Variants in SPATA1 observed in about 807,000 individuals in gnomAD.
The protein encoded by SPATA1 is spermatogenesis-associated protein 1.
SPATA1 carries 57 observed loss-of-function variants against 59.6 expected under a neutral mutation model. That is an observed-to-expected ratio of 0.96 (90% confidence interval 0.77 to 1.19). SPATA1 has a LOEUF of 1.19. Among genes scored for constraint, SPATA1 ranks in the 50% most tolerant of loss-of-function variants. The probability of loss-of-function intolerance (pLI) is 0.00; values close to 1 mark genes in which losing one functional copy is unlikely to be tolerated. For missense variants in SPATA1, 448 were observed against 480.7 expected (o/e 0.93, Z 0.64); for synonymous variants, 147 against 163.9 (o/e 0.90, Z 0.79).
chr1:84,532,926 C>A, exon 7 of SPATA1: 1 of 1,551,778 alleles, frequency 6.4e-7, no homozygotes, highest in Non-Finnish European at 8.7e-7. Flanking sequence ...TCTGAGTTGC[C>A]AGGATCATTG....
chr1:84,534,555 G>A (rs1683596407), intron 8 of SPATA1, among the ~76,000 whole-genome samples: 1 of 152,018 alleles, frequency 6.6e-6, no homozygotes, highest in South Asian at 2.1e-4. Context: ...GCTGGGCTTA[G>A]ATCCTAAATA....
chr1:84,558,526 C>T (rs1334378335), downstream of SPATA1, among the ~76,000 whole-genome samples: 4 of 150,868 alleles, frequency 2.7e-5, no homozygotes, highest in African/African-American at 9.7e-5. Context: ...CTCCTGACCT[C>T]GTGATCCGCC....
At chr1:84,550,295 T>C in intron 11 of SPATA1, 137 bp from the exon 12 acceptor site, 2 of 424,180 alleles carry the variant, frequency 4.7e-6, no homozygotes, top group Non-Finnish European at 8.3e-6. Context: ...CAAAGCAATT[T>C]AGTTTACTTT....
intron 4 of SPATA1, among the ~76,000 whole-genome samples, chr1:84,565,624 A>G (rs921282048): frequency 2.6e-5 from 4 of 152,206 alleles, no homozygotes; most frequent in African/African-American, 9.6e-5. Flanking sequence ...AAATATACCT[A>G]TACCACAAGA....
In SPATA1 at chr1:84,548,750, C is replaced by CTTTTTT. The variant is rs56250726; in HGVS notation, c.947-10_947-5dup. On this transcript the variant is annotated intron_variant, in intron 10 of 12. Coordinates refer to ENST00000490879, the Ensembl canonical transcript of SPATA1. Reference sequence around the variant, plus strand: ...TTTAATACTCAAACGAAGGCCTTTCCTTTTTTTTTTTTTTTTTTTTTTTTT... The same window carrying CTTTTTT: ...TTTAATACTCAAACGAAGGCCTTTCCTTTTTTTTTTTTTTTTTTTTTTTTTTTTTTT... 17 of 915,446 alleles carry CTTTTTT rather than the reference C, an allele frequency of 1.9e-5. 1 individual carries two copies. The East Asian group carries it at 4.2e-4, about 23-fold the overall frequency. 56.7% of individuals were successfully genotyped at this position (915,446 alleles called of 1,614,324 possible).
chr1:84,507,673 T>G (rs1405783771), intron 1 of SPATA1, among the ~76,000 whole-genome samples: 1 of 152,210 alleles, frequency 6.6e-6, no homozygotes, highest in Non-Finnish European at 1.5e-5. Context: ...TTTGTAAGAT[T>G]AAACACAAGT....
At chr1:84,561,128 T>C (rs1293614373) in intron 4 of SPATA1, among the ~76,000 whole-genome samples, 1 of 152,154 alleles carries the variant, frequency 6.6e-6, no homozygotes, top group Non-Finnish European at 1.5e-5. Flanking sequence ...ACTGAAAGCT[T>C]TTTGGAAAGG....
chr1:84,551,114 T>C (rs1187491357), intron 12 of SPATA1: 13 of 985,022 alleles, frequency 1.3e-5, no homozygotes, highest in African/African-American at 1.7e-5. Context: ...AATTACATCA[T>C]AGAAATTATC....
At chr1:84,512,757 G>C (rs1312318644) in intron 1 of SPATA1, among the ~76,000 whole-genome samples, 2 of 152,162 alleles carry the variant, frequency 1.3e-5, no homozygotes, top group Admixed American at 6.5e-5. Flanking sequence ...ATTCATTTCT[G>C]TACTGTTTCC....
chr1:84,552,791 T>G (rs529310391), intron 12 of SPATA1: 214 of 325,626 alleles, frequency 6.6e-4, no homozygotes, highest in Middle Eastern at 5.0e-3. Flanking sequence ...TCAATTGTAT[T>G]GTCCCTATCT....
rs759280571 is a variant in SPATA1 at position 84,553,088 on chromosome 1, GA to G, written c.1288del (p.Ile430Ter). 1,757 of 1,384,432 alleles carry G rather than the reference GA, an allele frequency of 1.3e-3. No individual in the cohort carries two copies. The highest frequency in any genetic ancestry group is 3.5e-3 in the Admixed American group (134 of 38,414). The allele number at this position is 1,384,432 out of a possible 1,614,324, so 85.8% of individuals were successfully genotyped here. A position where few individuals can be genotyped will look rare whatever the true frequency, so the allele number is the denominator to read the frequency against. On this transcript the variant is annotated frameshift_variant, in exon 13 of 13. Transcript: ENST00000490879. LOFTEE classifies it low-confidence loss of function (END_TRUNC). ...GAACATTGAAAACTGAACTGGCACAGAAAAAAAAAATAATACATCTCTACAA... is the reference window on the plus strand; with the variant it reads ...GAACATTGAAAACTGAACTGGCACAGAAAAAAAAATAATACATCTCTACAA...
At chr1:84,513,653 C>G (rs1570386652) in intron 1 of SPATA1, among the ~76,000 whole-genome samples, 1 of 152,230 alleles carries the variant, frequency 6.6e-6, no homozygotes, top group Non-Finnish European at 1.5e-5. Context: ...TGATTCCTCT[C>G]TAGTGCTTAG....
At chr1:84,526,217 TAAAAAA>T (rs1219997926) in intron 6 of SPATA1, 144 bp downstream of exon 6, 1 of 635,142 alleles carries the variant, frequency 1.6e-6, no homozygotes, top group African/African-American at 1.8e-5. Flanking sequence ...TGGGGATTTC[TAAAAAA>T]ATATTTTTGC....
At chr1:84,562,616 T>C (rs142917939) in intron 4 of SPATA1, among the ~76,000 whole-genome samples, 368 of 152,282 alleles carry the variant, frequency 2.4e-3, no homozygotes, top group Admixed American at 3.7e-3. Flanking sequence ...GCCTTTATAA[T>C]GCTAAAGGTA....
intron 6 of SPATA1, among the ~76,000 whole-genome samples, chr1:84,528,947 C>A (rs1683345891): frequency 6.6e-6 from 1 of 152,038 alleles, no homozygotes; most frequent in Non-Finnish European, 1.5e-5. Context: ...CCAGTTATCC[C>A]AAAATATCAT....
intron 2 of SPATA1, among the ~76,000 whole-genome samples, chr1:84,516,829 G>GA (rs1208800105): frequency 1.3e-5 from 2 of 151,784 alleles, no homozygotes; most frequent in African/African-American, 4.8e-5. Context: ...CATGGCTAGA[G>GA]AAAAAAAATG....
At chr1:84,563,504 A>G (rs1684633017) in intron 4 of SPATA1, 5 of 976,212 alleles carry the variant, frequency 5.1e-6, no homozygotes, top group Non-Finnish European at 6.9e-6. Context: ...TTATTTAGAA[A>G]TAAAACATAT....
chr1:84,525,750 G>A lies in SPATA1; in HGVS notation c.315+1G>A. On this transcript the variant is annotated splice_donor_variant, in intron 5 of 12. Transcript: ENST00000490879. LOFTEE classifies it high-confidence loss of function. Reference sequence around the variant, plus strand: ...ACTCAAATCATTTGCTCCTCCATATGTATGTAATGTGACATTTTAAACTTA... The same window carrying A: ...ACTCAAATCATTTGCTCCTCCATATATATGTAATGTGACATTTTAAACTTA... 6.2e-7 allele frequency: 1 copy of A among 1,606,154 alleles called. No individual in the cohort carries two copies. The highest frequency in any genetic ancestry group is 1.1e-5 in the South Asian group (1 of 89,098).
chr1:84,516,505 C>G lies in SPATA1; in HGVS notation c.36+110C>G, dbSNP rs908192324. ...TTATATAAAGTATTAGATATTGACT[C>G]CACCATGATCCCAACTTCATGTATC... On this transcript the variant is annotated intron_variant, in intron 2 of 12. Transcript: ENST00000490879. 3.3e-5 allele frequency: 21 copies of G among 628,220 alleles called. No homozygotes were observed. The African/African-American group carries it at 4.1e-4, about 12-fold the overall frequency. 38.9% of individuals were successfully genotyped at this position (628,220 alleles called of 1,614,324 possible).
Sources: allele counts gnomAD v4.1 joint callset (sites outside exome capture counted in the v4.1 genomes callset), GRCh38; gene constraint gnomAD v4.1.1; transcripts MANE v1.5; gene names NCBI Gene and HGNC (gene_info 2026-07-23, HGNC 2026-07-21).